The following NRG3 variants were observed in gnomAD, a reference collection of about 807,000 sequenced individuals.
NRG3 encodes pro-neuregulin-3, membrane-bound isoform.
NRG3 carries 31 observed loss-of-function variants against 66.9 expected under a neutral mutation model. That is an observed-to-expected ratio of 0.46 (90% confidence interval 0.35 to 0.63). NRG3 has a LOEUF of 0.63. Among genes scored for constraint, NRG3 ranks in the 20% least tolerant of loss-of-function variants. The probability of loss-of-function intolerance (pLI) is 0.00; values close to 1 mark genes in which losing one functional copy is unlikely to be tolerated. For missense variants in NRG3, 910 were observed against 878.9 expected (o/e 1.04, Z -0.45); for synonymous variants, 393 against 359.4 (o/e 1.09, Z -1.06).
At chr10:82,303,338 C>CACACACACACAG (rs1440666462) in intron 1 of NRG3, among the ~76,000 whole-genome samples, 1 of 150,322 alleles carries the variant, frequency 6.7e-6, no homozygotes, top group Admixed American at 6.6e-5. Flanking sequence ...CGTGTATAAA[C>CACACACACACAG]ACACACACAC....
chr10:82,007,336 A>G (rs1245394971), intron 1 of NRG3, among the ~76,000 whole-genome samples: 1 of 151,376 alleles, frequency 6.6e-6, no homozygotes, highest in African/African-American at 2.4e-5. Context: ...CAGCCTCCCA[A>G]GTAGCTGGGA....
intron 1 of NRG3, among the ~76,000 whole-genome samples, chr10:82,157,054 A>T (rs2071247510): frequency 6.6e-6 from 1 of 151,678 alleles, no homozygotes; most frequent in Non-Finnish European, 1.5e-5. Context: ...AAGTTGTTCA[A>T]CATTCTTGTG....
intron 1 of NRG3, among the ~76,000 whole-genome samples, chr10:82,317,425 A>C (rs1451650538): frequency 6.6e-6 from 1 of 152,192 alleles, no homozygotes; most frequent in East Asian, 1.9e-4. Flanking sequence ...TAATGAATAA[A>C]TTAATATTCT....
chr10:82,567,330 G>C (rs77653502), intron 2 of NRG3, among the ~76,000 whole-genome samples: 128 of 152,006 alleles, frequency 8.4e-4, no homozygotes, highest in Non-Finnish European at 1.5e-3. Context: ...CAGAAATTCC[G>C]ATGATTAATA....
rs2058263777 is a variant in NRG3, at chr10:82,738,494, T to C, written c.954-83T>C. The C allele has an allele frequency of 2.8e-6, 3 of 1,060,278 alleles. No individual in the cohort carries two copies. In the Admixed American group the frequency reaches 5.1e-5, roughly 18 times the overall value. 65.7% of individuals were successfully genotyped at this position (1,060,278 alleles called of 1,614,324 possible). On this transcript the variant is annotated intron_variant, in intron 2 of 8. Transcript: ENST00000372141. ...TGAATGTACTGTTCTCACATTTATGTAATTGATGGCTATTTTACTTGTTGA... is the reference window on the plus strand; with the variant it reads ...TGAATGTACTGTTCTCACATTTATGCAATTGATGGCTATTTTACTTGTTGA...
At chr10:82,058,786 C>G (rs868398351) in intron 1 of NRG3, among the ~76,000 whole-genome samples, 1 of 152,082 alleles carries the variant, frequency 6.6e-6, no homozygotes, top group African/African-American at 2.4e-5. Flanking sequence ...AACCCTAAAT[C>G]TAGGCACTAC....
chr10:82,612,597 T>A (rs565551423), intron 2 of NRG3, among the ~76,000 whole-genome samples: 1 of 152,306 alleles, frequency 6.6e-6, no homozygotes, highest in Admixed American at 6.5e-5. Context: ...TATCCATGAA[T>A]CTTTTTATCT....
At chr10:82,931,386 A>G (rs1303610792) in intron 4 of NRG3, among the ~76,000 whole-genome samples, 1 of 152,150 alleles carries the variant, frequency 6.6e-6, no homozygotes, top group East Asian at 1.9e-4. Flanking sequence ...GCCAGACACA[A>G]TTTGGGTTGG....
intron 1 of NRG3, among the ~76,000 whole-genome samples, chr10:82,199,275 C>T (rs900863965): frequency 8.6e-5 from 13 of 151,900 alleles, no homozygotes; most frequent in Non-Finnish European, 1.8e-4. Flanking sequence ...TTTTTATTGC[C>T]TATTATGATG....
intron 1 of NRG3, among the ~76,000 whole-genome samples, chr10:81,908,353 C>G (rs1420534628): frequency 1.3e-5 from 2 of 152,134 alleles, no homozygotes; most frequent in Non-Finnish European, 2.9e-5. Context: ...CATTCATGAG[C>G]CAATACAATG....
intron 2 of NRG3, among the ~76,000 whole-genome samples, chr10:82,716,608 G>T (rs532039791): frequency 6.6e-6 from 1 of 152,136 alleles, no homozygotes; most frequent in Non-Finnish European, 1.5e-5. Context: ...ATAAATTAAC[G>T]TTTCTTTGTC....
intron 2 of NRG3, among the ~76,000 whole-genome samples, chr10:82,533,076 T>C (rs1847452399): frequency 1.3e-5 from 2 of 152,086 alleles, no homozygotes; most frequent in South Asian, 4.1e-4. Flanking sequence ...CATATACCTG[T>C]TGGCTATTTG....
chr10:82,557,996 G>A (rs190077766), intron 2 of NRG3, among the ~76,000 whole-genome samples: 21 of 152,300 alleles, frequency 1.4e-4, no homozygotes, highest in African/African-American at 4.8e-5. Flanking sequence ...TTTGGAACAC[G>A]TGGAGCTCTA....
chr10:82,660,233 A>C (rs1010779243), intron 2 of NRG3, among the ~76,000 whole-genome samples: 1 of 143,082 alleles, frequency 7.0e-6, no homozygotes, highest in African/African-American at 2.6e-5. Context: ...AAAAAAAAAA[A>C]AACTGGAAAG....
intron 2 of NRG3, among the ~76,000 whole-genome samples, chr10:82,665,135 TTC>T (rs1310931299): frequency 2.0e-5 from 3 of 152,184 alleles, no homozygotes; most frequent in Non-Finnish European, 4.4e-5. Flanking sequence ...CTCCATCCCG[TTC>T]CTGAAACCTG....
At chr10:82,919,526 T>C (rs578212965) in intron 4 of NRG3, among the ~76,000 whole-genome samples, 15 of 152,264 alleles carry the variant, frequency 9.9e-5, no homozygotes, top group African/African-American at 3.4e-4. Context: ...TGAATAAACC[T>C]TTTAAGACTC....
intron 2 of NRG3, among the ~76,000 whole-genome samples, chr10:82,493,700 G>A (rs946799936): frequency 3.3e-5 from 5 of 152,142 alleles, no homozygotes; most frequent in Non-Finnish European, 7.3e-5. Flanking sequence ...AAGATTTCAT[G>A]ATGAAAGTGC....
intron 4 of NRG3, among the ~76,000 whole-genome samples, chr10:82,869,360 T>A (rs746427521): frequency 1.3e-5 from 2 of 152,154 alleles, no homozygotes; most frequent in Non-Finnish European, 2.9e-5. Flanking sequence ...TTGACAAACC[T>A]AAACCTACAT....
intron 2 of NRG3, among the ~76,000 whole-genome samples, chr10:82,510,599 C>T (rs1046497462): frequency 6.6e-6 from 1 of 152,120 alleles, no homozygotes; most frequent in East Asian, 1.9e-4. Context: ...TCCATTAGAA[C>T]GGAAGGAACA....
Sources: allele counts gnomAD v4.1 joint callset (sites outside exome capture counted in the v4.1 genomes callset), GRCh38; gene constraint gnomAD v4.1.1; transcripts MANE v1.5; gene names NCBI Gene and HGNC (gene_info 2026-07-23, HGNC 2026-07-21).